The following RASAL2 variants were observed in gnomAD, a reference collection of about 807,000 sequenced individuals.
The protein encoded by RASAL2 is RAS protein activator like 2.
RASAL2 carries 58 observed loss-of-function variants against 128.9 expected under a neutral mutation model. The ratio of observed to expected loss-of-function variants is 0.45; its 90% CI spans 0.36 to 0.56. The LOEUF is 0.56. Among genes scored for constraint, RASAL2 ranks in the 20% least tolerant of loss-of-function variants. RASAL2 has a pLI of 0.00. For missense variants in RASAL2, 1,360 were observed against 1,601.6 expected (o/e 0.85, Z 2.57); for synonymous variants, 561 against 580.8 (o/e 0.97, Z 0.49).
intron 3 of RASAL2, among the ~76,000 whole-genome samples, chr1:178,328,616 G>A (rs1669148250): frequency 6.6e-6 from 1 of 152,156 alleles, no homozygotes; most frequent in African/African-American, 2.4e-5. Context: ...ATGTAACTAG[G>A]TAGACATAAT....
At chr1:178,470,803 C>A in intron 17 of RASAL2, 1 of 1,127,822 alleles carries the variant, frequency 8.9e-7, no homozygotes, top group Non-Finnish European at 1.2e-6. Flanking sequence ...CACATTCCAG[C>A]TCCTGCCACT....
At chr1:178,158,543 A>G (rs916720616) in intron 1 of RASAL2, among the ~76,000 whole-genome samples, 20 of 152,306 alleles carry the variant, frequency 1.3e-4, no homozygotes, top group Non-Finnish European at 2.5e-4. Context: ...CCTAATTTGT[A>G]AAATAGGGAA....
intron 1 of RASAL2, among the ~76,000 whole-genome samples, chr1:178,159,362 C>G (rs969571214): frequency 1.3e-5 from 2 of 152,150 alleles, no homozygotes; most frequent in Non-Finnish European, 2.9e-5. Flanking sequence ...TTTACTCTAA[C>G]TAGGCCAGTC....
chr1:178,239,794 T>C (rs966616743), intron 1 of RASAL2, among the ~76,000 whole-genome samples: 1 of 151,986 alleles, frequency 6.6e-6, no homozygotes, highest in Non-Finnish European at 1.5e-5. Flanking sequence ...ACTGATACTC[T>C]AGTATTTAAG....
At chr1:178,246,131 G>C (rs1266470695) in intron 1 of RASAL2, among the ~76,000 whole-genome samples, 1 of 152,108 alleles carries the variant, frequency 6.6e-6, no homozygotes, top group African/African-American at 2.4e-5. Context: ...GATAGGAATA[G>C]CATTGAATTT....
At chr1:178,463,660 CCTT>C in intron 14 of RASAL2, among the ~76,000 whole-genome samples, 1 of 152,132 alleles carries the variant, frequency 6.6e-6, no homozygotes, top group East Asian at 1.9e-4. Flanking sequence ...CATCACTTGT[CCTT>C]CTTTTTCTCT....
Position 178,473,942 on chromosome 1 carries a change from A to C in RASAL2, c.*703A>C, listed in dbSNP as rs911788007. 1 of 152,344 alleles carries C rather than the reference A, an allele frequency of 6.6e-6. No homozygotes were observed. The highest frequency in any genetic ancestry group is 2.4e-5 in the African/African-American group (1 of 41,464). The allele number at this position is 152,344 out of a possible 1,614,324, so 9.4% of individuals were successfully genotyped here. ...TAATTTCTATTGAACTCCTGTCAAT[A>C]TGTTTATTTCCTCTGTCTACAGCAG... On this transcript the variant is annotated 3_prime_UTR_variant, in exon 18 of 18. Coordinates refer to ENST00000367649, the MANE Select transcript of RASAL2 (RefSeq NM_170692.4).
At chr1:178,379,580 GT>G (rs1409823036) in intron 3 of RASAL2, among the ~76,000 whole-genome samples, 2 of 152,140 alleles carry the variant, frequency 1.3e-5, no homozygotes, top group African/African-American at 4.8e-5. Context: ...TGATAATTCA[GT>G]TTTTCATAGC....
At position 178,457,902 on chromosome 1, in the gene RASAL2, G is replaced by T; in HGVS notation, c.2610G>T (p.Val870=). The T allele has an allele frequency of 1.2e-6, 2 of 1,614,154 alleles. No individual in the cohort carries two copies. Among genetic ancestry groups the T allele is most frequent in the Non-Finnish European group, 1.7e-6 (2 of 1,180,032 alleles). ...QVEHASVMLD[V]PIRLTGSQLS... ...AGCATGCATCTGTCATGCTTGATGTGCCTATACGCTTGACCGGAAGCCAGC... is the reference window on the plus strand; with the variant it reads ...AGCATGCATCTGTCATGCTTGATGTTCCTATACGCTTGACCGGAAGCCAGC... Residue 870 remains valine, a synonymous_variant, in exon 14 of 18, where the codon GTG becomes GTT. Transcript: ENST00000367649.
At chr1:178,453,017 A>T (rs1033622615) in intron 11 of RASAL2, among the ~76,000 whole-genome samples, 1 of 152,164 alleles carries the variant, frequency 6.6e-6, no homozygotes, top group African/African-American at 2.4e-5. Context: ...AAAACACAAA[A>T]ATCTAAGTAT....
chr1:178,307,859 G>A (rs1668064695), intron 3 of RASAL2, among the ~76,000 whole-genome samples: 1 of 152,212 alleles, frequency 6.6e-6, no homozygotes, highest in South Asian at 2.1e-4. Context: ...AGCCTGAAAT[G>A]AGCAAGGATA....
intron 1 of RASAL2, 86 bp from the exon 2 acceptor site, chr1:178,283,478 G>A: frequency 6.7e-7 from 1 of 1,499,608 alleles, no homozygotes; most frequent in Non-Finnish European, 9.1e-7. Flanking sequence ...CTCTTTATTT[G>A]ATTTGGAAGA....
intron 12 of RASAL2, among the ~76,000 whole-genome samples, chr1:178,455,741 G>A (rs948493857): frequency 3.3e-5 from 5 of 152,154 alleles, no homozygotes; most frequent in Admixed American, 3.3e-4. Context: ...TTTGAGTAGG[G>A]TAGAAGAGTC....
At chr1:178,289,129 A>G (rs1022483714) in intron 2 of RASAL2, among the ~76,000 whole-genome samples, 1 of 152,130 alleles carries the variant, frequency 6.6e-6, no homozygotes, top group Non-Finnish European at 1.5e-5. Flanking sequence ...CACTGCCAGA[A>G]TTGTGCTTGT....
intron 3 of RASAL2, among the ~76,000 whole-genome samples, chr1:178,320,419 A>C (rs973237836): frequency 6.6e-6 from 1 of 152,130 alleles, no homozygotes; most frequent in Non-Finnish European, 1.5e-5. Flanking sequence ...GTTTGATCTC[A>C]GACTGCTGTG....
intron 1 of RASAL2, among the ~76,000 whole-genome samples, chr1:178,104,792 A>G (rs942423424): frequency 3.9e-5 from 6 of 152,256 alleles, no homozygotes; most frequent in Admixed American, 3.9e-4. Flanking sequence ...TGTTGTTTAA[A>G]TGGTACTCCT....
chr1:178,113,784 A>C (rs1022387544), intron 1 of RASAL2, among the ~76,000 whole-genome samples: 1 of 152,142 alleles, frequency 6.6e-6, no homozygotes, highest in Non-Finnish European at 1.5e-5. Context: ...GAGAGTTACT[A>C]TCTTAACAAT....
chr1:178,148,923 C>G (rs1220094749), intron 1 of RASAL2, among the ~76,000 whole-genome samples: 1 of 152,144 alleles, frequency 6.6e-6, no homozygotes, highest in Non-Finnish European at 1.5e-5. Flanking sequence ...TCCCATCCAT[C>G]TTCTCTTTCT....
intron 1 of RASAL2, among the ~76,000 whole-genome samples, chr1:178,255,099 G>T (rs893110823): frequency 6.6e-6 from 1 of 152,106 alleles, no homozygotes; most frequent in African/African-American, 2.4e-5. Flanking sequence ...AGCTATCTTT[G>T]TTGAGATATA....
Sources: gnomAD v4.1 joint callset for allele counts (sites outside exome capture counted in the v4.1 genomes callset) on GRCh38, gnomAD v4.1.1 for gene constraint, MANE v1.5 for transcripts, NCBI Gene and HGNC (gene_info 2026-07-23, HGNC 2026-07-21) for gene names.